Variants in CYB5A observed in about 807,000 individuals in gnomAD.
CYB5A encodes cytochrome b5 type A.
Under a neutral mutation model 16.2 loss-of-function variants are expected in CYB5A, and 10 were observed. The ratio of observed to expected loss-of-function variants is 0.62; its 90% CI spans 0.38 to 1.04. CYB5A has a LOEUF of 1.04. CYB5A is among the 50% of genes least tolerant of loss of function. The pLI, the probability that CYB5A is intolerant of heterozygous loss-of-function variation, is 0.01. For synonymous variants in CYB5A, 62 were observed against 57.0 expected, an observed-to-expected ratio of 1.09 and a Z score of -0.40; for missense variants, 161 against 165.9, an observed-to-expected ratio of 0.97 and a Z score of 0.16.
chr18:74,279,654 G>T (rs1202390138), intron 1 of CYB5A, among the ~76,000 whole-genome samples: 2 of 118,714 alleles, frequency 1.7e-5, no homozygotes, highest in Admixed American at 9.9e-5. Context: ...TCTCTCTTTT[G>T]TTTTTTTTCC....
intron 1 of CYB5A, among the ~76,000 whole-genome samples, chr18:74,266,600 C>G (rs1788627): frequency 0.99 from 150,823 of 152,230 alleles, 74,732 homozygotes; most frequent in Middle Eastern, 1. Flanking sequence ...GGGGTAATTC[C>G]ACAGTCTTAA....
chr18:74,275,766 C>T (rs984556481), intron 1 of CYB5A, among the ~76,000 whole-genome samples: 12 of 151,992 alleles, frequency 7.9e-5, no homozygotes, highest in Non-Finnish European at 1.3e-4. Flanking sequence ...TCTGGAAAAG[C>T]GGGAGCTATT....
chr18:74,275,742 T>C (rs1288740262), intron 1 of CYB5A, among the ~76,000 whole-genome samples: 1 of 152,120 alleles, frequency 6.6e-6, no homozygotes, highest in Non-Finnish European at 1.5e-5. Context: ...AATTGTTGCC[T>C]GAACACAGCA....
chr18:74,263,756 T>A (rs1264009311), intron 1 of CYB5A, among the ~76,000 whole-genome samples: 3 of 151,918 alleles, frequency 2.0e-5, no homozygotes, highest in Non-Finnish European at 4.4e-5. Flanking sequence ...AATACAATTT[T>A]AAAAAATTAG....
chr18:74,275,497 G>A (rs1982835103), intron 1 of CYB5A, among the ~76,000 whole-genome samples: 1 of 152,166 alleles, frequency 6.6e-6, no homozygotes, highest in Admixed American at 6.5e-5. Context: ...AGCTCTGGTG[G>A]CAAAGATCAC....
intron 1 of CYB5A, among the ~76,000 whole-genome samples, chr18:74,268,068 C>T (rs1982516225): frequency 6.6e-6 from 1 of 152,236 alleles, no homozygotes; most frequent in Admixed American, 6.5e-5. Flanking sequence ...AGTTAATTCA[C>T]CCAACAAACA....
At chr18:74,259,449 A>G (rs1001772174) in intron 3 of CYB5A, 2 of 152,252 alleles carry the variant, frequency 1.3e-5, no homozygotes, top group Admixed American at 1.3e-4. Context: ...AATTAATCCA[A>G]CAGAGTATAG....
At chr18:74,265,467 G>A (rs780347580) in intron 1 of CYB5A, among the ~76,000 whole-genome samples, 13 of 152,196 alleles carry the variant, frequency 8.5e-5, no homozygotes, top group Non-Finnish European at 1.5e-4. Context: ...GGGAAAACAC[G>A]CATGTAGTTT....
In CYB5A at chr18:74,253,354, T is replaced by A; in HGVS notation, c.*230A>T. On this transcript the variant is annotated 3_prime_UTR_variant, in exon 5 of 5. Coordinates refer to ENST00000340533, the MANE Select transcript of CYB5A (RefSeq NM_148923.4). Reference sequence around the variant, plus strand: ...ATGCTTATAATAAGTAAATTACACATTAAGGAAACATCAAAATAAAGTAGA... The same window carrying A: ...ATGCTTATAATAAGTAAATTACACAATAAGGAAACATCAAAATAAAGTAGA... 1 of 443,736 alleles carries A rather than the reference T, an allele frequency of 2.3e-6. No homozygotes were observed. The highest frequency in any genetic ancestry group is 4.2e-6 in the Non-Finnish European group (1 of 239,074). 27.5% of individuals were successfully genotyped at this position (443,736 alleles called of 1,614,324 possible).
intron 1 of CYB5A, among the ~76,000 whole-genome samples, chr18:74,282,044 C>T (rs531375001): frequency 5.3e-5 from 8 of 152,142 alleles, no homozygotes; most frequent in Non-Finnish European, 8.8e-5. Context: ...CAAAGTGCTC[C>T]CCTCACCTTT....
At chr18:74,285,510 G>T (rs983704317) in intron 1 of CYB5A, among the ~76,000 whole-genome samples, 2 of 152,280 alleles carry the variant, frequency 1.3e-5, no homozygotes, top group South Asian at 2.1e-4. Context: ...GCGCAACCAA[G>T]TTCCTCCACT....
At chr18:74,267,478 G>A (rs1982488403) in intron 1 of CYB5A, among the ~76,000 whole-genome samples, 1 of 152,128 alleles carries the variant, frequency 6.6e-6, no homozygotes. Flanking sequence ...GCTCTTCTTT[G>A]CCTGTCAGCA....
In CYB5A at chr18:74,261,420, G is replaced by C. The variant is rs75951382; in HGVS notation, c.259-476C>G. 39 of 200,150 alleles carry C rather than the reference G, an allele frequency of 1.9e-4. 1 individual carries two copies. The East Asian group carries it at 4.6e-3, about 23-fold the overall frequency. The allele number at this position is 200,150 out of a possible 1,614,324, so 12.4% of individuals were successfully genotyped here. A position where few individuals can be genotyped will look rare whatever the true frequency, so the allele number is the denominator to read the frequency against. ...CTGTCAAAAATACAGTGTGTTTAAA[G>C]GCTGGCCAGGGGGAAGCCCAGTGGG... On this transcript the variant is annotated intron_variant, in intron 2 of 4. Coordinates refer to ENST00000340533, the MANE Select transcript of CYB5A (RefSeq NM_148923.4).
chr18:74,258,999 C>T, intron 3 of CYB5A: 1 of 152,300 alleles, frequency 6.6e-6, no homozygotes, highest in Non-Finnish European at 1.5e-5. Flanking sequence ...CAAAAATTAG[C>T]TGGGCATGGT....
intron 1 of CYB5A, among the ~76,000 whole-genome samples, 179 bp downstream of exon 1, chr18:74,291,568 C>T (rs1983543096): frequency 6.6e-6 from 1 of 150,992 alleles, no homozygotes; most frequent in Non-Finnish European, 1.5e-5. Flanking sequence ...CCCAGGCTTG[C>T]ACGCGCAGGT....
rs113076065 is a variant in CYB5A at position 74,255,776 on chromosome 18, C to T, written c.289-1G>A. 6.2e-7 allele frequency: 1 copy of T among 1,610,532 alleles called. No individual in the cohort carries two copies. Among genetic ancestry groups the T allele is most frequent in the Non-Finnish European group, 8.5e-7 (1 of 1,176,758 alleles). ...AATCAATAGTAGTGATAAGAGTTTC[C>T]TGAAACACGAGAGGAAAAAGTAAAG... On this transcript the variant is annotated splice_acceptor_variant, in intron 3 of 4. Transcript: ENST00000340533. LOFTEE classifies it high-confidence loss of function.
At chr18:74,283,539 A>G (rs1036297830) in intron 1 of CYB5A, among the ~76,000 whole-genome samples, 19 of 152,204 alleles carry the variant, frequency 1.2e-4, no homozygotes, top group African/African-American at 4.3e-4. Flanking sequence ...AACAGATGGA[A>G]AGAAAGGCAT....
intron 1 of CYB5A, among the ~76,000 whole-genome samples, chr18:74,263,815 G>A (rs1758355969): frequency 6.6e-6 from 1 of 152,118 alleles, no homozygotes; most frequent in African/African-American, 2.4e-5. Context: ...GAGAGGCTGA[G>A]GTGGGAGGAT....
chr18:74,288,862 C>A (rs1033593241), intron 1 of CYB5A, among the ~76,000 whole-genome samples: 1 of 152,170 alleles, frequency 6.6e-6, no homozygotes. Flanking sequence ...ATAATAAAGA[C>A]GGCAAATGGA....
Sources: allele counts gnomAD v4.1 joint callset (sites outside exome capture counted in the v4.1 genomes callset), GRCh38; gene constraint gnomAD v4.1.1; transcripts MANE v1.5; gene names NCBI Gene and HGNC (gene_info 2026-07-23, HGNC 2026-07-21).